PPP2R2B: variants seen among roughly 807,000 people sequenced by gnomAD.
The protein encoded by PPP2R2B is protein phosphatase 2 regulatory subunit Bbeta, also known as serine/threonine-protein phosphatase 2A 55 kDa regulatory subunit B beta isoform.
A neutral mutation model predicts 46.0 loss-of-function variants in PPP2R2B; 5 were observed. The observed-to-expected ratio is 0.11, with a 90% CI of 0.06 to 0.23. The LOEUF is 0.23. PPP2R2B is among the 10% of genes least tolerant of loss of function. PPP2R2B has a pLI of 1.00. For synonymous variants in PPP2R2B, 215 were observed against 206.7 expected (o/e 1.04, Z -0.34); for missense variants, 367 against 575.0 (o/e 0.64, Z 3.70).
intron 1 of PPP2R2B, among the ~76,000 whole-genome samples, chr5:146,955,744 T>G (rs562490510): frequency 2.6e-5 from 4 of 151,790 alleles, no homozygotes; most frequent in African/African-American, 9.7e-5. Flanking sequence ...ACTTGATAGG[T>G]TGTCATTAAC....
chr5:147,040,653 G>A (rs976886709), intron 1 of PPP2R2B: 1 of 398,936 alleles, frequency 2.5e-6, no homozygotes, highest in South Asian at 1.8e-5. Context: ...GAGCAAACAT[G>A]TAACATATAC....
At chr5:147,012,000 T>C (rs1228956538) in intron 1 of PPP2R2B, among the ~76,000 whole-genome samples, 2 of 147,962 alleles carry the variant, frequency 1.4e-5, no homozygotes, top group Non-Finnish European at 1.5e-5. Flanking sequence ...TTGAGGATTT[T>C]TGCATCAATG....
intron 5 of PPP2R2B, among the ~76,000 whole-genome samples, chr5:146,670,524 C>A (rs987193248): frequency 1.4e-5 from 2 of 144,658 alleles, no homozygotes; most frequent in African/African-American, 5.1e-5. Context: ...GAGACAGAAT[C>A]TTGCTCTGTG....
At chr5:146,826,382 A>G (rs1184975988) in intron 2 of PPP2R2B, among the ~76,000 whole-genome samples, 2 of 152,212 alleles carry the variant, frequency 1.3e-5, no homozygotes, top group Non-Finnish European at 2.9e-5. Flanking sequence ...ATTCTGAAGT[A>G]GAACCTTAGA....
intron 2 of PPP2R2B, among the ~76,000 whole-genome samples, chr5:146,784,798 G>A (rs1314993726): frequency 6.6e-6 from 1 of 152,152 alleles, no homozygotes; most frequent in African/African-American, 2.4e-5. Context: ...GTTCTATTAT[G>A]TTAACTTTAC....
intron 2 of PPP2R2B, among the ~76,000 whole-genome samples, chr5:146,735,642 T>C (rs747957577): frequency 6.6e-6 from 1 of 152,172 alleles, no homozygotes. Flanking sequence ...TATAAAACCA[T>C]GGACGTTGCT....
At chr5:147,073,129 A>G (rs572544056) in intron 2 of PPP2R2B, among the ~76,000 whole-genome samples, 1 of 152,224 alleles carries the variant, frequency 6.6e-6, no homozygotes, top group Non-Finnish European at 1.5e-5. Flanking sequence ...GGCACATACT[A>G]GGTGCTCCAT....
At chr5:146,834,133 T>G (rs1004126374) in intron 2 of PPP2R2B, among the ~76,000 whole-genome samples, 10 of 152,202 alleles carry the variant, frequency 6.6e-5, no homozygotes, top group Admixed American at 6.5e-4. Context: ...TTATGATAAA[T>G]TACTTATCTT....
intron 1 of PPP2R2B, among the ~76,000 whole-genome samples, chr5:147,052,350 T>G (rs201287081): frequency 9.8e-5 from 15 of 152,320 alleles, no homozygotes; most frequent in South Asian, 2.1e-4. Context: ...ACCTATAATG[T>G]GCCTGGTATT....
intron 1 of PPP2R2B, among the ~76,000 whole-genome samples, chr5:147,012,830 G>GTTA (rs1349180061): frequency 6.6e-6 from 1 of 151,728 alleles, no homozygotes; most frequent in East Asian, 1.9e-4. Context: ...CCTTCATTTC[G>GTTA]TTATGTACCC....
chr5:146,879,889 ACAT>A (rs1398829270), upstream of PPP2R2B, among the ~76,000 whole-genome samples: 3 of 152,224 alleles, frequency 2.0e-5, no homozygotes, highest in Admixed American at 1.3e-4. Flanking sequence ...GTAGGGAGAG[ACAT>A]CAGCAAATGT....
Position 147,069,785 on chromosome 5 carries a change from G to GTTTTTTTTTTTTTTTTTTTTTTTTT in PPP2R2B, c.50+11273_50+11274insAAAAAAAAAAAAAAAAAAAAAAAAA, listed in dbSNP as rs540998224. On this transcript the variant is annotated intron_variant, in intron 2 of 10. Transcript: ENST00000394413. The stretch of plus-strand genomic sequence containing the variant: ...CTCCCACATGAACACATTTTATACT[G>GTTTTTTTTTTTTTTTTTTTTTTTTT]TTTTTTTTTTTTTTTTTTTTTTTGA... Among the ~76,000 whole-genome samples, 8 of 64,788 alleles carry GTTTTTTTTTTTTTTTTTTTTTTTTT rather than the reference G, an allele frequency of 1.2e-4. 3 individuals are homozygous for GTTTTTTTTTTTTTTTTTTTTTTTTT. The highest frequency in any genetic ancestry group is 6.0e-4 in the African/African-American group (8 of 13,260). The allele number at this position is 64,788 out of a possible 152,430, so 42.5% of individuals were successfully genotyped here.
chr5:146,731,214 T>C (rs948481346), intron 2 of PPP2R2B, among the ~76,000 whole-genome samples: 5 of 152,218 alleles, frequency 3.3e-5, no homozygotes, highest in African/African-American at 1.2e-4. Context: ...TAAGTTAGAA[T>C]GAATGGTGAC....
intron 4 of PPP2R2B, among the ~76,000 whole-genome samples, chr5:146,697,383 A>G (rs1051313882): frequency 6.6e-6 from 1 of 152,198 alleles, no homozygotes; most frequent in African/African-American, 2.4e-5. Context: ...TCAGTACCCA[A>G]CATCCTCTCT....
At chr5:147,050,124 G>C (rs1171578432) in intron 1 of PPP2R2B, among the ~76,000 whole-genome samples, 1 of 152,182 alleles carries the variant, frequency 6.6e-6, no homozygotes, top group Non-Finnish European at 1.5e-5. Flanking sequence ...CTTGGCCTTA[G>C]ATGAAAGCAG....
chr5:146,919,923 G>A (rs944913344), intron 1 of PPP2R2B: 7 of 152,014 alleles, frequency 4.6e-5, no homozygotes, highest in African/African-American at 1.7e-4. Context: ...TATCATGGCA[G>A]CCACTGATAT....
At chr5:146,938,694 G>A (rs1178909374) in intron 1 of PPP2R2B, among the ~76,000 whole-genome samples, 1 of 143,338 alleles carries the variant, frequency 7.0e-6, no homozygotes, top group African/African-American at 2.6e-5. Context: ...AATTTTGGTT[G>A]ATCATTTTTA....
Position 146,592,933 on chromosome 5 carries a change from A to ATCTT in PPP2R2B, c.1052+34_1052+37dup, listed in dbSNP as rs748278217. On this transcript the variant is annotated intron_variant, in intron 9 of 9. Coordinates refer to ENST00000394411, the MANE Select transcript of PPP2R2B (RefSeq NM_181675.4). ...AAATTCCCTGAGCCTCTTCAAGACA[A>ATCTT]TCTTTGGAAGGTTCTTCAGCCACAG... 52 of 1,558,194 alleles carry ATCTT rather than the reference A, an allele frequency of 3.3e-5. No homozygotes were observed. The African/African-American group carries it at 5.7e-4, about 17-fold the overall frequency.
At chr5:146,647,583 G>GCAGAA (rs1403674193) in intron 6 of PPP2R2B, among the ~76,000 whole-genome samples, 1 of 152,196 alleles carries the variant, frequency 6.6e-6, no homozygotes, top group African/African-American at 2.4e-5. Flanking sequence ...CTGGCAGTCT[G>GCAGAA]TCACACATCT....
Sources: gnomAD v4.1 joint callset for allele counts (sites outside exome capture counted in the v4.1 genomes callset) on GRCh38, gnomAD v4.1.1 for gene constraint, MANE v1.5 for transcripts, NCBI Gene and HGNC (gene_info 2026-07-23, HGNC 2026-07-21) for gene names.